The following ERG variants were observed in gnomAD, a reference collection of about 807,000 sequenced individuals.
The protein encoded by ERG is transcriptional regulator ERG.
Under a neutral mutation model 55.3 loss-of-function variants are expected in ERG, and 9 were observed. The ratio of observed to expected loss-of-function variants is 0.16; its 90% CI spans 0.10 to 0.28. The LOEUF (loss-of-function observed/expected upper bound fraction) is 0.28. Ranked by LOEUF, ERG falls within the 10% of genes least tolerant of loss-of-function variation. The pLI is 1.00. For missense variants in ERG, 434 were observed against 631.6 expected, an observed-to-expected ratio of 0.69 and a Z score of 3.35; for synonymous variants, 223 against 237.3, an observed-to-expected ratio of 0.94 and a Z score of 0.55.
In ERG at chr21:38,420,222, T is replaced by C. The variant is rs1174932355; in HGVS notation, c.388+3188A>G. On this transcript the variant is annotated intron_variant, in intron 3 of 9. Transcript: ENST00000288319. The stretch of plus-strand genomic sequence containing the variant: ...CCATGGGGATGGATACAGCAGCTGG[T>C]ACAGCTGCCTGAGGTCCTGCAACCT... 2.6e-5 allele frequency among the ~76,000 whole-genome samples: 4 copies of C among 152,172 alleles called. 1 individual carries two copies. The highest frequency in any genetic ancestry group is 5.9e-5 in the Non-Finnish European group (4 of 68,032).
intron 1 of ERG, among the ~76,000 whole-genome samples, chr21:38,603,294 G>C (rs1440305819): frequency 2.6e-5 from 4 of 152,038 alleles, no homozygotes; most frequent in African/African-American, 7.3e-5. Flanking sequence ...ATTTGAACAT[G>C]TTTTAGGACT....
At chr21:38,502,884 C>T (rs2059431549), upstream of ERG, among the ~76,000 whole-genome samples, 1 of 2,324 alleles carries the variant, frequency 4.3e-4, no homozygotes, top group African/African-American at 7.1e-3. Flanking sequence ...CCGCCACCAC[C>T]CTGGCTAATT....
chr21:38,402,695 G>T, intron 4 of ERG, 58 bp from the exon 5 acceptor site: 10 of 465,690 alleles, frequency 2.1e-5, no homozygotes, highest in Non-Finnish European at 3.3e-5. Flanking sequence ...GAGAGAGAAA[G>T]AGAATTACCT....
At chr21:38,487,147 G>A (rs1262271945) in intron 1 of ERG, among the ~76,000 whole-genome samples, 12 of 136,782 alleles carry the variant, frequency 8.8e-5, no homozygotes, top group South Asian at 4.7e-4. Flanking sequence ...CACTATCCTG[G>A]AAAAAAAAAA....
At chr21:38,553,475 C>A (rs1489808613) in intron 2 of ERG, among the ~76,000 whole-genome samples, 1 of 152,114 alleles carries the variant, frequency 6.6e-6, no homozygotes, top group Non-Finnish European at 1.5e-5. Context: ...AGAACTAGTA[C>A]AAAAACAGAC....
intron 2 of ERG, among the ~76,000 whole-genome samples, chr21:38,426,697 G>A (rs1450473837): frequency 3.9e-5 from 6 of 152,028 alleles, no homozygotes; most frequent in East Asian, 1.9e-4. Context: ...TTGGGAGGCC[G>A]AGCTGGGCGG....
intron 2 of ERG, among the ~76,000 whole-genome samples, chr21:38,548,974 A>C (rs553504397): frequency 3.4e-4 from 51 of 151,606 alleles, no homozygotes; most frequent in African/African-American, 1.1e-3. Flanking sequence ...TTAGCCAGGC[A>C]TGGTGGTGGG....
At chr21:38,472,199 A>AGAAAGAAT (rs1307321562) in intron 1 of ERG, 118 of 152,302 alleles carry the variant, frequency 7.7e-4, no homozygotes, top group African/African-American at 2.8e-3. Flanking sequence ...AAAGAAAGAA[A>AGAAAGAAT]GAATGAAAGA....
At chr21:38,617,331 A>G (rs1035607735) in intron 1 of ERG, among the ~76,000 whole-genome samples, 3 of 152,170 alleles carry the variant, frequency 2.0e-5, no homozygotes, top group East Asian at 1.9e-4. Context: ...TCCTCCAACC[A>G]TAACAGATCC....
chr21:38,442,440 A>C (rs2058850322), intron 2 of ERG, among the ~76,000 whole-genome samples: 1 of 152,174 alleles, frequency 6.6e-6, no homozygotes, highest in African/African-American at 2.4e-5. Context: ...TCCCCTGAAA[A>C]AGATGTTTCC....
At chr21:38,656,821 T>C (rs1165107550) in intron 1 of ERG, among the ~76,000 whole-genome samples, 1 of 152,190 alleles carries the variant, frequency 6.6e-6, no homozygotes, top group Non-Finnish European at 1.5e-5. Flanking sequence ...AAAATAAGGG[T>C]TTCCTATTTT....
intron 2 of ERG, among the ~76,000 whole-genome samples, chr21:38,556,047 C>CA (rs994963383): frequency 8.6e-5 from 13 of 151,216 alleles, no homozygotes; most frequent in Admixed American, 1.3e-4. Context: ...CTGAAGCCAA[C>CA]AAAAAATATT....
rs964460199 is a variant in ERG at position 38,594,172 on chromosome 21, G to A, written c.-149-9227C>T. ...AGTGATGGGTACTGAGCCACCAGGA[G>A]CAATGAAACCAGCTTTTCCATTTCC... On this transcript the variant is annotated intron_variant, in intron 1 of 10. Coordinates refer to the ERG transcript ENST00000398910. 2.0e-5 allele frequency among the ~76,000 whole-genome samples: 3 copies of A among 152,162 alleles called. No homozygotes were observed. The East Asian group carries it at 5.8e-4, about 29-fold the overall frequency.
chr21:38,550,432 G>A (rs1264094639), intron 2 of ERG, among the ~76,000 whole-genome samples: 2 of 152,158 alleles, frequency 1.3e-5, no homozygotes. Flanking sequence ...TGAGGAGGAG[G>A]GGCCTTTGGA....
chr21:38,585,817 G>A (rs373311008), upstream of ERG, among the ~76,000 whole-genome samples: 7 of 151,714 alleles, frequency 4.6e-5, no homozygotes, highest in Admixed American at 6.6e-5. Context: ...TGAAGTCTTC[G>A]AAACCTATGC....
intron 3 of ERG, among the ~76,000 whole-genome samples, chr21:38,420,119 G>A (rs1989471262): frequency 6.6e-6 from 1 of 151,802 alleles, no homozygotes; most frequent in South Asian, 2.1e-4. Context: ...GAACCACTCA[G>A]GACCAGGTCT....
chr21:38,457,656 C>T (rs1468238875), intron 1 of ERG, among the ~76,000 whole-genome samples: 1 of 152,138 alleles, frequency 6.6e-6, no homozygotes, highest in Non-Finnish European at 1.5e-5. Flanking sequence ...CTATCTTTCC[C>T]AGGAAGAAAA....
intron 2 of ERG, among the ~76,000 whole-genome samples, chr21:38,519,294 T>A (rs1280327824): frequency 1.3e-5 from 2 of 152,080 alleles, no homozygotes; most frequent in Non-Finnish European, 2.9e-5. Flanking sequence ...TAGAATTTAG[T>A]AAAAACCAAA....
intron 2 of ERG, among the ~76,000 whole-genome samples, chr21:38,510,041 G>A (rs1282984539): frequency 6.6e-6 from 1 of 152,180 alleles, no homozygotes; most frequent in East Asian, 1.9e-4. Flanking sequence ...GCACAGGGAC[G>A]TGCACAGGTT....
Sources: allele counts gnomAD v4.1 joint callset (sites outside exome capture counted in the v4.1 genomes callset), GRCh38; gene constraint gnomAD v4.1.1; transcripts MANE v1.5; gene names NCBI Gene and HGNC (gene_info 2026-07-23, HGNC 2026-07-21).